FBXL20: variants seen among roughly 807,000 people sequenced by gnomAD.
FBXL20 encodes the protein F-box and leucine rich repeat protein 20.
A neutral mutation model predicts 64.0 loss-of-function variants in FBXL20; 11 were observed. The ratio of observed to expected loss-of-function variants is 0.17; its 90% CI spans 0.11 to 0.28. The LOEUF (loss-of-function observed/expected upper bound fraction) is 0.28, where lower values mean the gene tolerates loss of function less well. Ranked by LOEUF, FBXL20 falls within the 10% of genes least tolerant of loss-of-function variation. The pLI is 1.00. For missense variants in FBXL20, 303 were observed against 526.2 expected (o/e 0.58, Z 4.15); for synonymous variants, 184 against 189.0 (o/e 0.97, Z 0.22).
At chr17:39,316,893 G>A (rs2047298128) in intron 2 of FBXL20, among the ~76,000 whole-genome samples, 1 of 152,228 alleles carries the variant, frequency 6.6e-6, no homozygotes, top group East Asian at 1.9e-4. Flanking sequence ...GGAGGCTGAG[G>A]AATGAGAAGC....
chr17:39,286,948 T>C (rs2144402247), intron 6 of FBXL20, among the ~76,000 whole-genome samples: 1 of 149,238 alleles, frequency 6.7e-6, no homozygotes, highest in Admixed American at 6.7e-5. Flanking sequence ...GTCTTGTTCT[T>C]GTCGCTCAGG....
At chr17:39,319,794 A>C (rs919324638) in intron 2 of FBXL20, among the ~76,000 whole-genome samples, 1 of 151,912 alleles carries the variant, frequency 6.6e-6, no homozygotes, top group African/African-American at 2.4e-5. Context: ...TTATTTTTAA[A>C]ATAGAGACCG....
chr17:39,391,140 G>A (rs934594681), intron 1 of FBXL20, among the ~76,000 whole-genome samples: 8 of 151,564 alleles, frequency 5.3e-5, no homozygotes, highest in South Asian at 2.1e-4. Context: ...TTTGCAGTTC[G>A]GTGCAGTGGC....
intron 1 of FBXL20, among the ~76,000 whole-genome samples, chr17:39,355,955 C>G (rs559929048): frequency 2.0e-5 from 3 of 151,456 alleles, no homozygotes; most frequent in African/African-American, 7.3e-5. Flanking sequence ...GTGGCTCACA[C>G]CTGTAATCCC....
intron 6 of FBXL20, among the ~76,000 whole-genome samples, chr17:39,286,673 C>T (rs2046990773): frequency 6.6e-6 from 1 of 151,918 alleles, no homozygotes; most frequent in South Asian, 2.1e-4. Flanking sequence ...TGGCACATGC[C>T]TGTAATCCCA....
In FBXL20 at chr17:39,289,522, T is replaced by C. The variant is rs150736742; in HGVS notation, c.399-3949A>G. ...AAATAGAAAAATTAGCCAGGCATGGTGACACACACCTGTAGTCCCAGCTAC... is the reference window on the plus strand; with the variant it reads ...AAATAGAAAAATTAGCCAGGCATGGCGACACACACCTGTAGTCCCAGCTAC... On this transcript the variant is annotated intron_variant, in intron 6 of 14. Transcript: ENST00000264658. Among the ~76,000 whole-genome samples, 437 of 151,998 alleles carry C rather than the reference T, an allele frequency of 2.9e-3. 1 individual carries two copies. Among genetic ancestry groups the C allele is most frequent in the African/African-American group, 9.3e-3 (387 of 41,472 alleles).
intron 3 of FBXL20, among the ~76,000 whole-genome samples, chr17:39,302,916 ATT>A (rs879816100): frequency 7.1e-6 from 1 of 141,526 alleles, no homozygotes. Flanking sequence ...CTCTGAAACT[ATT>A]TTTTTTTTTT....
At position 39,274,977 on chromosome 17, in the gene FBXL20, G is replaced by A. The variant is rs748095694; in HGVS notation, c.820C>T (p.Arg274Trp). 75 of 1,612,404 alleles carry A rather than the reference G, an allele frequency of 4.7e-5. No homozygotes were observed. Among genetic ancestry groups the A allele is most frequent in the African/African-American group, 1.1e-4 (8 of 74,850 alleles). Reference protein sequence around the residue: ...ILNALGQNCPRLRILEVARCS... With the variant: ...ILNALGQNCPWLRILEVARCS... ...TAAACAAGAAATGTTTACCTAAGCC[G>A]TGGGCAGTTCTGACCTAGAGCATTC... is the stretch of plus-strand genomic sequence containing the variant. Residue 274 changes from arginine (R) to tryptophan (W), a missense_variant, in exon 10 of 15, where the codon CGG becomes TGG. Coordinates refer to ENST00000264658, the MANE Select transcript of FBXL20 (RefSeq NM_032875.3).
rs1044379643 is a variant in FBXL20, at chr17:39,260,657, C to T, written c.*803G>A. Reference sequence around the variant, plus strand: ...AAAATGTTTGGTAATCCCAACTAATCATTCAAAATGCAAACTGTAAACACG... The same window carrying T: ...AAAATGTTTGGTAATCCCAACTAATTATTCAAAATGCAAACTGTAAACACG... On this transcript the variant is annotated 3_prime_UTR_variant, in exon 15 of 15. Coordinates refer to ENST00000264658, the MANE Select transcript of FBXL20 (RefSeq NM_032875.3). 2.6e-5 allele frequency: 4 copies of T among 152,586 alleles called. No individual in the cohort carries two copies. Among genetic ancestry groups the T allele is most frequent in the Non-Finnish European group, 4.4e-5 (3 of 68,042 alleles). The allele number at this position is 152,586 out of a possible 1,614,324, so 9.5% of individuals were successfully genotyped here.
At chr17:39,335,535 A>G (rs958735468) in intron 2 of FBXL20, among the ~76,000 whole-genome samples, 21 of 145,992 alleles carry the variant, frequency 1.4e-4, no homozygotes, top group African/African-American at 5.4e-4. Flanking sequence ...GTGAGCCGAG[A>G]TCATGCCACT....
intron 1 of FBXL20, among the ~76,000 whole-genome samples, chr17:39,356,647 C>T (rs1021405181): frequency 1.3e-5 from 2 of 151,860 alleles, no homozygotes; most frequent in African/African-American, 4.8e-5. Flanking sequence ...TGAGCCCCTG[C>T]GCTCGGCCTA....
Position 39,299,197 on chromosome 17 carries a change from T to C in FBXL20, c.235-113A>G, listed in dbSNP as rs2047112664. The C allele has an allele frequency of 6.9e-6, 5 of 719,756 alleles. No homozygotes were observed. The Admixed American group carries it at 8.7e-5, about 13-fold the overall frequency. The allele number at this position is 719,756 out of a possible 1,614,324, so 44.6% of individuals were successfully genotyped here. A position where few individuals can be genotyped will look rare whatever the true frequency, so the allele number is the denominator to read the frequency against. ...AAGAGAAAATGCTTCTATTATGACC[T>C]AATTTAATAGGAAAATTGTAACTTA... On this transcript the variant is annotated intron_variant, in intron 4 of 14. Transcript: ENST00000264658.
intron 10 of FBXL20, among the ~76,000 whole-genome samples, chr17:39,274,026 C>T (rs980130877): frequency 1.3e-5 from 2 of 151,670 alleles, no homozygotes; most frequent in South Asian, 2.1e-4. Flanking sequence ...AGGCACACAT[C>T]GCCATGCCTG....
intron 2 of FBXL20, among the ~76,000 whole-genome samples, chr17:39,336,970 CTCTCCCTCT>C (rs985891699): frequency 1.1e-4 from 17 of 151,704 alleles, no homozygotes; most frequent in Non-Finnish European, 2.5e-4. Flanking sequence ...CCTCTCCCTC[CTCTCCCTCT>C]CCCTCTCCCC....
chr17:39,342,208 C>T (rs2047589332), intron 2 of FBXL20, among the ~76,000 whole-genome samples: 1 of 151,964 alleles, frequency 6.6e-6, no homozygotes, highest in South Asian at 2.1e-4. Flanking sequence ...AAAATGTAGA[C>T]CATAACACAG....
At chr17:39,333,574 A>G (rs1194348836) in intron 2 of FBXL20, among the ~76,000 whole-genome samples, 7 of 151,096 alleles carry the variant, frequency 4.6e-5, no homozygotes, top group Admixed American at 1.3e-4. Context: ...CACCCCATCT[A>G]GGAAGTGAGG....
chr17:39,384,639 T>C lies in FBXL20; in HGVS notation c.42+16722A>G, dbSNP rs557713693. ...AAACTATATGTCCAGTATAATCTTG[T>C]TTGTTCATAAAATATAGAAATAGAT... On this transcript the variant is annotated intron_variant, in intron 1 of 14. Transcript: ENST00000264658. 1.3e-3 allele frequency among the ~76,000 whole-genome samples: 195 copies of C among 152,144 alleles called. 2 individuals are homozygous for C. Among genetic ancestry groups the C allele is most frequent in the Non-Finnish European group, 2.1e-3 (142 of 68,010 alleles).
chr17:39,361,032 C>T (rs1049044788), intron 1 of FBXL20, among the ~76,000 whole-genome samples: 1 of 152,166 alleles, frequency 6.6e-6, no homozygotes, highest in Non-Finnish European at 1.5e-5. Context: ...TGCCTGCTAC[C>T]TGATCCTAAA....
intron 8 of FBXL20, 47 bp from the exon 9 acceptor site, chr17:39,281,510 CAAAG>C: frequency 6.7e-7 from 1 of 1,499,780 alleles, no homozygotes; most frequent in Non-Finnish European, 9.2e-7. Flanking sequence ...GACATTGTCT[CAAAG>C]GAAAGAGATT....
Sources: allele counts gnomAD v4.1 joint callset (sites outside exome capture counted in the v4.1 genomes callset), GRCh38; gene constraint gnomAD v4.1.1; transcripts MANE v1.5; gene names NCBI Gene and HGNC (gene_info 2026-07-23, HGNC 2026-07-21).